The following PRRC2C variants were observed in gnomAD, a reference collection of about 807,000 sequenced individuals.
PRRC2C encodes proline rich coiled-coil 2C.
A neutral mutation model predicts 317.2 loss-of-function variants in PRRC2C; 72 were observed. The ratio of observed to expected loss-of-function variants is 0.23; its 90% CI spans 0.19 to 0.28. PRRC2C has a LOEUF of 0.28. Ranked by LOEUF, PRRC2C falls within the 10% of genes least tolerant of loss-of-function variation. The pLI is 1.00. For missense variants in PRRC2C, 3,074 were observed against 3,459.7 expected (o/e 0.89, Z 2.80); for synonymous variants, 1,296 against 1,205.9 (o/e 1.07, Z -1.55).
At chr1:171,539,823 C>G (rs1397269050) in intron 15 of PRRC2C, 148 bp from the exon 16 acceptor site, 10 of 719,968 alleles carry the variant, frequency 1.4e-5, no homozygotes, top group Non-Finnish European at 2.2e-5. Context: ...GTGAGTAATT[C>G]TCCTCTAAAC....
At chr1:171,589,658 C>G (rs1020558017) in intron 34 of PRRC2C, 53 bp downstream of exon 34, 2 of 1,201,798 alleles carry the variant, frequency 1.7e-6, no homozygotes, top group African/African-American at 3.1e-5. Flanking sequence ...TGAACCATGT[C>G]TTAAAATGCC....
At chr1:171,500,090 T>C (rs1668814815) in intron 1 of PRRC2C, among the ~76,000 whole-genome samples, 1 of 152,186 alleles carries the variant, frequency 6.6e-6, no homozygotes, top group African/African-American at 2.4e-5. Flanking sequence ...CCAGGGGAAC[T>C]GAACTCTCAT....
chr1:171,564,007 T>TA lies in PRRC2C; in HGVS notation c.6118-2225dup, dbSNP rs570321611. 2.6e-4 allele frequency among the ~76,000 whole-genome samples: 40 copies of TA among 152,304 alleles called. No individual in the cohort carries two copies. The South Asian group carries it at 8.1e-3, about 31-fold the overall frequency. On this transcript the variant is annotated intron_variant, in intron 20 of 34. Transcript: ENST00000647382. ...TTATTGGTGTCTCATTTTTCTCTCA[T>TA]ACCTTTTTCTTCATTGTCTTTGTGT... is the stretch of plus-strand genomic sequence containing the variant.
chr1:171,520,671 C>T (rs1571748639), intron 6 of PRRC2C, among the ~76,000 whole-genome samples: 1 of 152,028 alleles, frequency 6.6e-6, no homozygotes, highest in East Asian at 1.9e-4. Flanking sequence ...TTATTAACTT[C>T]AGTATAGAAG....
intron 6 of PRRC2C, among the ~76,000 whole-genome samples, chr1:171,521,236 T>A (rs10913165): frequency 0.29 from 44,792 of 152,142 alleles, 7,310 homozygotes; most frequent in East Asian, 0.59. Flanking sequence ...ATATAAATTA[T>A]GTTTTTACAG....
chr1:171,584,436 C>A lies in PRRC2C; in HGVS notation c.7659C>A (p.Thr2553=). Residue 2553 remains threonine, a synonymous_variant, in exon 30 of 35, where the codon ACC becomes ACA. Transcript: ENST00000647382. ...THLLQARANL[T]QASNLYSGQV... ...TTTTCTAGGCCAGAGCAAATCTTAC[C>A]CAGGCCTCAAATCTTTATTCTGGAC... The A allele has an allele frequency of 1.9e-6, 3 of 1,578,520 alleles. No homozygotes were observed. The highest frequency in any genetic ancestry group is 2.6e-6 in the Non-Finnish European group (3 of 1,163,040).
chr1:171,534,858 G>T (rs1676529080), intron 12 of PRRC2C, among the ~76,000 whole-genome samples: 3 of 152,140 alleles, frequency 2.0e-5, no homozygotes. Context: ...TTTGAGAAAA[G>T]AATTTGTAAC....
chr1:171,517,259 G>T (rs1363471440), intron 5 of PRRC2C, among the ~76,000 whole-genome samples: 4 of 152,160 alleles, frequency 2.6e-5, no homozygotes, highest in Admixed American at 2.6e-4. Context: ...GAAACCTCAG[G>T]TGTGTCACTC....
At chr1:171,560,873 C>T (rs1311125476) in intron 19 of PRRC2C, 145 bp from the exon 20 acceptor site, 1 of 721,494 alleles carries the variant, frequency 1.4e-6, no homozygotes, top group African/African-American at 1.7e-5. Context: ...ACATAATAAT[C>T]TTTGTAAGTC....
chr1:171,576,187 C>G (rs1239323617), intron 25 of PRRC2C, among the ~76,000 whole-genome samples: 2 of 152,188 alleles, frequency 1.3e-5, no homozygotes, highest in Admixed American at 1.3e-4. Flanking sequence ...GCTTGAGCCC[C>G]AGTCCACTTT....
rs1651563646 is a variant in PRRC2C at position 171,592,117 on chromosome 1, A to C, written c.*270A>C. ...TCAGAATTTATATATAAATGTATGCACCCATTTTTTTGAGTGCATATAATT... is the reference window on the plus strand; with the variant it reads ...TCAGAATTTATATATAAATGTATGCCCCCATTTTTTTGAGTGCATATAATT... On this transcript the variant is annotated 3_prime_UTR_variant, in exon 35 of 35. Coordinates refer to ENST00000647382, the MANE Select transcript of PRRC2C (RefSeq NM_001387844.1). The C allele has an allele frequency of 3.0e-6, 1 of 331,538 alleles. No homozygotes were observed. Among genetic ancestry groups the C allele is most frequent in the Non-Finnish European group, 5.4e-6 (1 of 183,922 alleles). 20.5% of individuals were successfully genotyped at this position (331,538 alleles called of 1,614,324 possible). A position where few individuals can be genotyped will look rare whatever the true frequency, so the allele number is the denominator to read the frequency against.
chr1:171,590,194 TG>T (rs1651115025), intron 34 of PRRC2C, among the ~76,000 whole-genome samples: 1 of 152,084 alleles, frequency 6.6e-6, no homozygotes, highest in South Asian at 2.1e-4. Flanking sequence ...CCACATGAGG[TG>T]GTTGTATTCC....
intron 11 of PRRC2C, among the ~76,000 whole-genome samples, chr1:171,528,064 CT>C (rs994341902): frequency 3.2e-4 from 48 of 151,676 alleles, no homozygotes; most frequent in African/African-American, 9.4e-4. Context: ...TAGGAGATAA[CT>C]TTTTTTTTCT....
intron 10 of PRRC2C, among the ~76,000 whole-genome samples, chr1:171,527,056 T>TCG (rs1674734977): frequency 1.3e-5 from 2 of 151,890 alleles, no homozygotes; most frequent in Admixed American, 1.3e-4. Flanking sequence ...TCCGCCTGCC[T>TCG]CGGCCTCCCG....
Position 171,572,138 on chromosome 1 carries a change from G to T in PRRC2C, c.6753+717G>T, listed in dbSNP as rs1336508728. Among the ~76,000 whole-genome samples the T allele has an allele frequency of 4.0e-5, 6 of 151,614 alleles. No homozygotes were observed. In the East Asian group the frequency reaches 9.7e-4, roughly 24 times the overall value. On this transcript the variant is annotated intron_variant, in intron 24 of 34. Transcript: ENST00000647382. Reference sequence around the variant, plus strand: ...AAGTGCAAACATGGAATTAAAGGAGGTTTTTTTTAATTTAAAAAAAAATTT... The same window carrying T: ...AAGTGCAAACATGGAATTAAAGGAGTTTTTTTTTAATTTAAAAAAAAATTT...
In PRRC2C at chr1:171,593,364, G is replaced by A. The variant is rs1311470544; in HGVS notation, c.*1517G>A. On this transcript the variant is annotated 3_prime_UTR_variant, in exon 35 of 35. Transcript: ENST00000647382. ...CGGTTTACTGTGTTGAGTTGGCATT[G>A]TACAGAAATTAACAGCCATATTGGT... 6.6e-6 allele frequency: 1 copy of A among 151,418 alleles called. No homozygotes were observed. The highest frequency in any genetic ancestry group is 1.5e-5 in the Non-Finnish European group (1 of 67,928). 9.4% of individuals were successfully genotyped at this position (151,418 alleles called of 1,614,324 possible).
intron 30 of PRRC2C, among the ~76,000 whole-genome samples, 170 bp from the exon 31 acceptor site, chr1:171,586,833 G>T (rs565758620): frequency 3.3e-5 from 5 of 151,224 alleles, no homozygotes; most frequent in African/African-American, 1.2e-4. Flanking sequence ...TGATCTGCCC[G>T]CCTTGGCCTT....
chr1:171,569,301 ATCTT>A (rs1684269484), intron 23 of PRRC2C, among the ~76,000 whole-genome samples: 1 of 151,856 alleles, frequency 6.6e-6, no homozygotes, highest in African/African-American at 2.4e-5. Flanking sequence ...AGTTATAAAA[ATCTT>A]TATTATCTTC....
At chr1:171,559,515 T>G (rs969274489) in intron 19 of PRRC2C, among the ~76,000 whole-genome samples, 1 of 31,780 alleles carries the variant, frequency 3.1e-5, no homozygotes, top group Non-Finnish European at 6.6e-5. Flanking sequence ...GTTTGTTTTT[T>G]TTTTTTTTTT....
Sources: gnomAD v4.1 joint callset for allele counts (sites outside exome capture counted in the v4.1 genomes callset) on GRCh38, gnomAD v4.1.1 for gene constraint, MANE v1.5 for transcripts, NCBI Gene and HGNC (gene_info 2026-07-23, HGNC 2026-07-21) for gene names.